Variants in CAMSAP2 observed in about 807,000 individuals in gnomAD.
CAMSAP2 encodes the protein calmodulin-regulated spectrin-associated protein 2.
A neutral mutation model predicts 146.1 loss-of-function variants in CAMSAP2; 26 were observed. The observed-to-expected ratio is 0.18, with a 90% CI of 0.13 to 0.25. The LOEUF is 0.25. CAMSAP2 is among the 10% of genes least tolerant of loss of function. The probability of loss-of-function intolerance (pLI) is 1.00; values close to 1 mark genes in which losing one functional copy is unlikely to be tolerated. For synonymous variants in CAMSAP2, 499 were observed against 596.6 expected (o/e 0.84, Z 2.38); for missense variants, 1,381 against 1,759.3 (o/e 0.78, Z 3.85).
intron 6 of CAMSAP2, among the ~76,000 whole-genome samples, chr1:200,837,583 A>G (rs1392091294): frequency 6.6e-6 from 1 of 152,154 alleles, no homozygotes; most frequent in African/African-American, 2.4e-5. Context: ...TATGATTTTT[A>G]AAATAGTTTT....
At chr1:200,758,768 G>GT (rs1198113756) in intron 1 of CAMSAP2, among the ~76,000 whole-genome samples, 5 of 152,104 alleles carry the variant, frequency 3.3e-5, no homozygotes, top group Non-Finnish European at 5.9e-5. Context: ...TGATATCACT[G>GT]TTTCCCTCAT....
intron 2 of CAMSAP2, among the ~76,000 whole-genome samples, chr1:200,785,355 A>G (rs752128488): frequency 2.7e-5 from 4 of 150,284 alleles, no homozygotes; most frequent in Admixed American, 6.6e-5. Context: ...TTCACTAGGT[A>G]TGCCACCGGG....
Position 200,813,444 on chromosome 1 carries a change from A to G in CAMSAP2, c.562-2117A>G, listed in dbSNP as rs190140635. On this transcript the variant is annotated intron_variant, in intron 3 of 16. Transcript: ENST00000358823. ...TTCCTGCTCCCATTATTTTCTACTC[A>G]CATTTTAATGTATTTATAGCATTTA... 1.3e-3 allele frequency among the ~76,000 whole-genome samples: 191 copies of G among 152,260 alleles called. 1 individual carries two copies. The highest frequency in any genetic ancestry group is 4.4e-3 in the African/African-American group (181 of 41,548).
intron 13 of CAMSAP2, 122 bp from the exon 14 acceptor site, chr1:200,854,695 A>G: frequency 1.7e-6 from 1 of 594,868 alleles, no homozygotes; most frequent in Non-Finnish European, 2.9e-6. Flanking sequence ...AGGAAAAGAA[A>G]CTACAGAAGC....
At chr1:200,773,218 C>T (rs769751340) in intron 2 of CAMSAP2, among the ~76,000 whole-genome samples, 6 of 152,034 alleles carry the variant, frequency 3.9e-5, no homozygotes, top group Admixed American at 1.3e-4. Context: ...ATGAATTAAG[C>T]ATATATTAAC....
intron 2 of CAMSAP2, among the ~76,000 whole-genome samples, chr1:200,788,540 G>GTC (rs1348719491): frequency 6.6e-6 from 1 of 152,098 alleles, no homozygotes; most frequent in Non-Finnish European, 1.5e-5. Context: ...GAACTTTCCA[G>GTC]TCCAGTATTT....
rs775583859 is a variant in CAMSAP2, at chr1:200,858,108, A to G, written c.*49A>G. The G allele has an allele frequency of 1.4e-6, 2 of 1,444,094 alleles. No individual in the cohort carries two copies. Among genetic ancestry groups the G allele is most frequent in the Admixed American group, 2.4e-5 (1 of 42,100 alleles). 89.5% of individuals were successfully genotyped at this position (1,444,094 alleles called of 1,614,324 possible). ...AACATTCATGGTAAATTTGCACTTCATCTTTCCTGCCTATAGAAAATCTTT... is the reference window on the plus strand; with the variant it reads ...AACATTCATGGTAAATTTGCACTTCGTCTTTCCTGCCTATAGAAAATCTTT... On this transcript the variant is annotated 3_prime_UTR_variant, in exon 17 of 17. Coordinates refer to ENST00000358823, the MANE Select transcript of CAMSAP2 (RefSeq NM_203459.4).
At position 200,761,014 on chromosome 1, in the gene CAMSAP2, G is replaced by C; in HGVS notation, c.315G>C (p.Gln105His). ...KPLLGHDAVIQALAQKGLYVT... is the reference protein window; with the variant it reads ...KPLLGHDAVIHALAQKGLYVT... ...TTTTGGGCCATGATGCTGTAATCCA[G>C]GCTTTAGCACAGAAAGGTCTTTATG... Residue 105 changes from glutamine to histidine, a missense_variant, in exon 2 of 17, where the codon CAG becomes CAC. This residue lies in a region of CAMSAP2 where 284 missense variants were observed against 406.9 expected (regional missense o/e 0.70). Coordinates refer to ENST00000358823, the MANE Select transcript of CAMSAP2 (RefSeq NM_203459.4). The C allele has an allele frequency of 6.2e-7, 1 of 1,614,044 alleles. No individual in the cohort carries two copies. The highest frequency in any genetic ancestry group is 8.5e-7 in the Non-Finnish European group (1 of 1,180,014).
chr1:200,764,843 C>T (rs554907942), intron 2 of CAMSAP2, among the ~76,000 whole-genome samples: 1 of 152,286 alleles, frequency 6.6e-6, no homozygotes, highest in South Asian at 2.1e-4. Context: ...GTGGCACATA[C>T]CTGTAATCCC....
intron 3 of CAMSAP2, among the ~76,000 whole-genome samples, chr1:200,807,853 G>C (rs1476869785): frequency 6.7e-6 from 1 of 148,518 alleles, no homozygotes; most frequent in Non-Finnish European, 1.5e-5. Context: ...CAATTCTCAT[G>C]CCTCGGCCTC....
At chr1:200,835,533 T>C (rs969914367) in intron 6 of CAMSAP2, among the ~76,000 whole-genome samples, 1 of 152,158 alleles carries the variant, frequency 6.6e-6, no homozygotes, top group Non-Finnish European at 1.5e-5. Flanking sequence ...CAGGGTAAAC[T>C]ATAAAGCCAG....
chr1:200,832,405 T>G lies in CAMSAP2; in HGVS notation c.787+64T>G. On this transcript the variant is annotated intron_variant, in intron 5 of 16. Coordinates refer to ENST00000358823, the MANE Select transcript of CAMSAP2 (RefSeq NM_203459.4). The surrounding 1 kb of genome is among the most constrained non-coding windows in gnomAD (Gnocchi z 4.2). Reference sequence around the variant, plus strand: ...ATAGTAACCAATATTTAAGACAGTATTATTTTGCACTCCAGCCTAGGTGAC... The same window carrying G: ...ATAGTAACCAATATTTAAGACAGTAGTATTTTGCACTCCAGCCTAGGTGAC... The G allele has an allele frequency of 6.8e-7, 1 of 1,478,908 alleles. No homozygotes were observed. Among genetic ancestry groups the G allele is most frequent in the African/African-American group, 1.4e-5 (1 of 70,328 alleles). The allele number at this position is 1,478,908 out of a possible 1,614,324, so 91.6% of individuals were successfully genotyped here.
chr1:200,748,049 A>G (rs1372748661), intron 1 of CAMSAP2, among the ~76,000 whole-genome samples: 2 of 151,980 alleles, frequency 1.3e-5, no homozygotes, highest in Non-Finnish European at 2.9e-5. Flanking sequence ...TATGTACCAC[A>G]CCATTCAGAG....
chr1:200,758,781 C>T (rs1290304068), intron 1 of CAMSAP2, among the ~76,000 whole-genome samples: 2 of 152,126 alleles, frequency 1.3e-5, no homozygotes, highest in South Asian at 2.1e-4. Flanking sequence ...TCCCTCATAA[C>T]GTAGGCTTAT....
intron 2 of CAMSAP2, among the ~76,000 whole-genome samples, chr1:200,786,970 T>A (rs6680058): frequency 6.7e-6 from 1 of 149,442 alleles, no homozygotes; most frequent in Non-Finnish European, 1.5e-5. Flanking sequence ...CATCTATTTA[T>A]AGCATGGTTT....
intron 1 of CAMSAP2, among the ~76,000 whole-genome samples, chr1:200,749,943 A>T (rs1021508426): frequency 6.6e-6 from 1 of 152,138 alleles, no homozygotes; most frequent in Non-Finnish European, 1.5e-5. Context: ...CCAGGAACTG[A>T]ATGTGACTGG....
At chr1:200,807,753 T>A (rs2102145430) in intron 3 of CAMSAP2, among the ~76,000 whole-genome samples, 1 of 150,952 alleles carries the variant, frequency 6.6e-6, no homozygotes, top group South Asian at 2.1e-4. Context: ...TTTTTTTTTT[T>A]TTTTTGAGAA....
chr1:200,847,930 T>A, intron 10 of CAMSAP2, 102 bp from the exon 11 acceptor site: 2 of 922,560 alleles, frequency 2.2e-6, no homozygotes, highest in Non-Finnish European at 3.2e-6. Context: ...TTATGAGAAC[T>A]GGGGAAAGAA....
At chr1:200,833,771 C>T (rs1425801390) in intron 6 of CAMSAP2, among the ~76,000 whole-genome samples, 1 of 151,832 alleles carries the variant, frequency 6.6e-6, no homozygotes, top group East Asian at 1.9e-4. Flanking sequence ...TATTTAACTA[C>T]CATTATGCAT....
Sources: allele counts gnomAD v4.1 joint callset (sites outside exome capture counted in the v4.1 genomes callset), GRCh38; gene constraint gnomAD v4.1.1; regional missense constraint gnomAD v4.1.1; non-coding constraint Gnocchi (gnomAD v3.1); transcripts MANE v1.5; gene names NCBI Gene and HGNC (gene_info 2026-07-23, HGNC 2026-07-21).